RBM26: variants seen among roughly 807,000 people sequenced by gnomAD.
RBM26 encodes RNA-binding protein 26.
In RBM26, 30 loss-of-function variants were observed where a neutral mutation model predicts 123.6. That is an observed-to-expected ratio of 0.24 (90% CI 0.18 to 0.33). RBM26 has a LOEUF of 0.33. Among genes scored for constraint, RBM26 ranks in the 10% least tolerant of loss-of-function variants. RBM26 has a pLI of 1.00. For missense variants in RBM26, 947 were observed against 1,203.6 expected (o/e 0.79, Z 3.15); for synonymous variants, 400 against 404.4 (o/e 0.99, Z 0.13).
At chr13:79,388,954 A>C (rs2077710158) in intron 1 of RBM26, among the ~76,000 whole-genome samples, 1 of 152,138 alleles carries the variant, frequency 6.6e-6, no homozygotes, top group Non-Finnish European at 1.5e-5. Context: ...AGCAACAAAT[A>C]AACGACCGGC....
At chr13:79,337,990 G>A (rs1356269498) in intron 18 of RBM26, among the ~76,000 whole-genome samples, 1 of 152,170 alleles carries the variant, frequency 6.6e-6, no homozygotes, top group Non-Finnish European at 1.5e-5. Context: ...GGCCGAGGCA[G>A]GCAGATCAAC....
At chr13:79,325,364 G>GT (rs1169579829) in intron 20 of RBM26, among the ~76,000 whole-genome samples, 1 of 152,010 alleles carries the variant, frequency 6.6e-6, no homozygotes, top group African/African-American at 2.4e-5. Context: ...TATGACAGCT[G>GT]TGTGTGTGTT....
chr13:79,366,912 C>T, intron 6 of RBM26, 40 bp from the exon 7 acceptor site: 1 of 1,471,258 alleles, frequency 6.8e-7, no homozygotes. Flanking sequence ...GTCAAAAGCA[C>T]TGGAAATATA....
intron 11 of RBM26, among the ~76,000 whole-genome samples, chr13:79,356,335 C>A (rs1381733718): frequency 7.2e-6 from 1 of 139,142 alleles, no homozygotes; most frequent in Non-Finnish European, 1.5e-5. Flanking sequence ...TGCCACCTCA[C>A]TCTGGCCTCA....
At chr13:79,403,143 C>T (rs1333876968) in intron 1 of RBM26, among the ~76,000 whole-genome samples, 1 of 150,632 alleles carries the variant, frequency 6.6e-6, no homozygotes, top group African/African-American at 2.4e-5. Flanking sequence ...TTCACAAAAC[C>T]AACGTTAGAA....
chr13:79,320,545 T>G lies in RBM26; in HGVS notation c.*76A>C. The G allele has an allele frequency of 2.3e-6, 3 of 1,319,378 alleles. No homozygotes were observed. The highest frequency in any genetic ancestry group is 2.9e-6 in the Non-Finnish European group (3 of 1,023,024). 81.7% of individuals were successfully genotyped at this position (1,319,378 alleles called of 1,614,324 possible). On this transcript the variant is annotated 3_prime_UTR_variant, in exon 22 of 22. Transcript: ENST00000438737. The stretch of plus-strand genomic sequence containing the variant: ...TTTTACCAAAAATTGTTTTTACAAA[T>G]ATGTAAAAGTACATTAGATAATACT...
In RBM26 at chr13:79,365,412, C is replaced by T. The variant is rs911094029; in HGVS notation, c.1417+166G>A. ...GAGCTGAGATCACGCTACTGCACTC[C>T]AGCCTAGGCCACAGAGTGAGACTCT... On this transcript the variant is annotated intron_variant, in intron 9 of 21. Transcript: ENST00000438737. Among the ~76,000 whole-genome samples, 3 of 152,116 alleles carry T rather than the reference C, an allele frequency of 2.0e-5. No individual in the cohort carries two copies. In the South Asian group the frequency reaches 6.2e-4, roughly 32 times the overall value.
intron 1 of RBM26, among the ~76,000 whole-genome samples, chr13:79,387,275 T>G (rs556929705): frequency 1.8e-5 from 2 of 111,660 alleles, no homozygotes; most frequent in South Asian, 6.9e-4. Flanking sequence ...AAGGGATTAC[T>G]AAATAATGAA....
At chr13:79,352,656 T>A (rs961973486) in intron 14 of RBM26, among the ~76,000 whole-genome samples, 4 of 152,146 alleles carry the variant, frequency 2.6e-5, no homozygotes, top group Non-Finnish European at 5.9e-5. Context: ...TACAAAAATA[T>A]TTGTAAATAA....
intron 1 of RBM26, among the ~76,000 whole-genome samples, chr13:79,391,407 T>A (rs1455913314): frequency 6.6e-6 from 1 of 152,210 alleles, no homozygotes; most frequent in Non-Finnish European, 1.5e-5. Flanking sequence ...TTCAACTACA[T>A]AAAATGAAGC....
intron 1 of RBM26, among the ~76,000 whole-genome samples, chr13:79,395,799 A>T (rs1360265847): frequency 6.6e-6 from 1 of 152,184 alleles, no homozygotes; most frequent in African/African-American, 2.4e-5. Context: ...AATCAAAAGC[A>T]AAGGGACAAA....
At chr13:79,369,119 C>T (rs1331442518) in intron 5 of RBM26, 129 bp from the exon 6 acceptor site, 3 of 523,698 alleles carry the variant, frequency 5.7e-6, no homozygotes, top group African/African-American at 3.9e-5. Flanking sequence ...TAATCATTTT[C>T]TTTTAAAAAA....
chr13:79,372,324 C>T (rs1383382838), intron 3 of RBM26, among the ~76,000 whole-genome samples: 1 of 152,012 alleles, frequency 6.6e-6, no homozygotes, highest in African/African-American at 2.4e-5. Flanking sequence ...CACATTACTG[C>T]TTTAATGACT....
At chr13:79,354,314 TC>T in intron 13 of RBM26, 124 bp downstream of exon 13, 3 of 797,796 alleles carry the variant, frequency 3.8e-6, no homozygotes, top group Non-Finnish European at 5.2e-6. Flanking sequence ...TAGGTGGGGT[TC>T]AAATATGTAA....
At chr13:79,372,616 C>G (rs147785861) in intron 3 of RBM26, among the ~76,000 whole-genome samples, 76 of 148,288 alleles carry the variant, frequency 5.1e-4, no homozygotes, top group African/African-American at 1.7e-3. Flanking sequence ...GGTGTGGTAC[C>G]AAACACATCA....
chr13:79,318,570 T>C (rs533737581), downstream of RBM26, among the ~76,000 whole-genome samples: 5 of 151,480 alleles, frequency 3.3e-5, no homozygotes, highest in African/African-American at 1.2e-4. Context: ...TCTCCATTCT[T>C]TGGGATCACG....
At chr13:79,400,219 T>A (rs1325753327) in intron 1 of RBM26, among the ~76,000 whole-genome samples, 1 of 152,224 alleles carries the variant, frequency 6.6e-6, no homozygotes, top group Non-Finnish European at 1.5e-5. Context: ...AAGGTCTTAG[T>A]CCGTTTGTGC....
At chr13:79,402,534 A>G (rs1278826045) in intron 1 of RBM26, among the ~76,000 whole-genome samples, 1 of 151,872 alleles carries the variant, frequency 6.6e-6, no homozygotes, top group Non-Finnish European at 1.5e-5. Flanking sequence ...AGTCTTAAAC[A>G]TGACTCAACA....
intron 3 of RBM26, among the ~76,000 whole-genome samples, chr13:79,375,096 T>A (rs9530909): frequency 3.1e-5 from 3 of 95,294 alleles, no homozygotes; most frequent in African/African-American, 1.1e-4. Flanking sequence ...AAATATATAT[T>A]TATATATATC....
Sources: gnomAD v4.1 joint callset for allele counts (sites outside exome capture counted in the v4.1 genomes callset) on GRCh38, gnomAD v4.1.1 for gene constraint, MANE v1.5 for transcripts, NCBI Gene and HGNC (gene_info 2026-07-23, HGNC 2026-07-21) for gene names.